SLCO1A2: variants seen among roughly 807,000 people sequenced by gnomAD.
SLCO1A2 encodes the protein solute carrier organic anion transporter family member 1A2, also known as OATP-1.
Under a neutral mutation model 69.0 loss-of-function variants are expected in SLCO1A2, and 67 were observed. The observed-to-expected ratio is 0.97, with a 90% CI of 0.80 to 1.19. SLCO1A2 has a LOEUF of 1.19. Ranked by LOEUF, SLCO1A2 falls within the 50% of genes most tolerant of loss-of-function variation. SLCO1A2 has a pLI of 0.00. For missense variants in SLCO1A2, 787 were observed against 793.7 expected, an observed-to-expected ratio of 0.99 and a Z score of 0.10; for synonymous variants, 260 against 265.9, an observed-to-expected ratio of 0.98 and a Z score of 0.22.
At chr12:21,400,833 C>G (rs1323297763) in intron 1 of SLCO1A2, among the ~76,000 whole-genome samples, 1 of 131,780 alleles carries the variant, frequency 7.6e-6, no homozygotes, top group East Asian at 2.5e-4. Context: ...ACAATGAGAT[C>G]ACATGGACAC....
At chr12:21,322,215 A>G (rs1011427241) in intron 2 of SLCO1A2, among the ~76,000 whole-genome samples, 1 of 152,224 alleles carries the variant, frequency 6.6e-6, no homozygotes, top group Non-Finnish European at 1.5e-5. Flanking sequence ...TGGAAAGTCC[A>G]AGAGCAAGGC....
intron 2 of SLCO1A2, chr12:21,319,251 G>A: frequency 1.0e-6 from 1 of 996,940 alleles, no homozygotes; most frequent in South Asian, 1.3e-5. Context: ...GATATCTAAA[G>A]TACAAAAGAA....
chr12:21,337,864 G>T (rs1029264699), upstream of SLCO1A2, among the ~76,000 whole-genome samples: 2 of 151,834 alleles, frequency 1.3e-5, no homozygotes, highest in African/African-American at 4.8e-5. Flanking sequence ...AGAATGTATT[G>T]CTTGGAAAAA....
At chr12:21,353,030 G>A (rs567464019) in intron 2 of SLCO1A2, among the ~76,000 whole-genome samples, 40 of 152,260 alleles carry the variant, frequency 2.6e-4, no homozygotes, top group African/African-American at 9.4e-4. Flanking sequence ...CAAAATAACA[G>A]AATATTCCCC....
intron 2 of SLCO1A2, among the ~76,000 whole-genome samples, chr12:21,362,984 A>C (rs1278570083): frequency 6.6e-6 from 1 of 152,198 alleles, no homozygotes; most frequent in African/African-American, 2.4e-5. Flanking sequence ...TAGACAGATC[A>C]ACAAGACAGA....
intron 1 of SLCO1A2, among the ~76,000 whole-genome samples, chr12:21,385,887 T>G (rs1240223366): frequency 6.6e-6 from 1 of 152,106 alleles, no homozygotes. Context: ...GAAACCATAT[T>G]TTTCCAGAAC....
rs140189858 is a variant in SLCO1A2, at chr12:21,311,999, G to A, written c.335+2550C>T. On this transcript the variant is annotated intron_variant, in intron 4 of 14. Transcript: ENST00000683939. Reference sequence around the variant, plus strand: ...GGAGGAGGAGGAGGAAGAGGAGGAGGAGGAGAAGAAGAGGAGGAGGGAGGA... The same window carrying A: ...GGAGGAGGAGGAGGAAGAGGAGGAGAAGGAGAAGAAGAGGAGGAGGGAGGA... 2.6e-3 allele frequency among the ~76,000 whole-genome samples: 391 copies of A among 151,320 alleles called. 2 individuals are homozygous for A. The highest frequency in any genetic ancestry group is 9.1e-3 in the African/African-American group (373 of 41,208).
chr12:21,419,061 A>C (rs530215405), upstream of SLCO1A2: 4 of 152,156 alleles, frequency 2.6e-5, no homozygotes, highest in Non-Finnish European at 4.4e-5. Context: ...GATATTACAT[A>C]TAAAATTAAA....
At position 21,297,444 on chromosome 12, in the gene SLCO1A2, C is replaced by A; in HGVS notation, c.1035G>T (p.Gln345His). The A allele has an allele frequency of 1.9e-6, 3 of 1,612,398 alleles. No individual in the cohort carries two copies. In the South Asian group the frequency reaches 3.3e-5, roughly 18 times the overall value. The change falls in exon 9 of 15, where the codon CAG (glutamine) becomes CAT (histidine). Residue 345 changes from glutamine (Q) to histidine (H), a missense_variant. Coordinates refer to ENST00000683939, the MANE Select transcript of SLCO1A2 (RefSeq NM_001386879.1). ...CATCTGAAGATGATATTCCATATTGCTGTTCTAGGTATTTAGGCATGAAGG... is the reference window on the plus strand; with the variant it reads ...CATCTGAAGATGATATTCCATATTGATGTTCTAGGTATTTAGGCATGAAGG... ...MISFMPKYLE[Q>H]QYGISSSDAI...
chr12:21,278,053 C>T (rs1263861000), intron 12 of SLCO1A2, among the ~76,000 whole-genome samples: 1 of 151,640 alleles, frequency 6.6e-6, no homozygotes, highest in Non-Finnish European at 1.5e-5. Flanking sequence ...AGCATTCACA[C>T]AGGCTGGCTA....
intron 2 of SLCO1A2, among the ~76,000 whole-genome samples, chr12:21,323,812 G>A (rs1245544124): frequency 2.0e-5 from 3 of 152,122 alleles, no homozygotes; most frequent in Non-Finnish European, 2.9e-5. Flanking sequence ...TTTAGGCATC[G>A]TGTACCCATC....
At position 21,411,418 on chromosome 12, in the gene SLCO1A2, C is replaced by T. The variant is rs61927818; in HGVS notation, c.-312+6464G>A. Among the ~76,000 whole-genome samples the T allele has an allele frequency of 5.0e-3, 762 of 152,252 alleles. 7 individuals carry two copies. Among genetic ancestry groups the T allele is most frequent in the Middle Eastern group, 0.01 (3 of 294 alleles). ...CGACTGTGATCATATACCAAAATCCCAAACATATTTCGACCTGTTTCTGGG... is the reference window on the plus strand; with the variant it reads ...CGACTGTGATCATATACCAAAATCCTAAACATATTTCGACCTGTTTCTGGG... On this transcript the variant is annotated intron_variant, in intron 1 of 4. Transcript: ENST00000413682.
intron 2 of SLCO1A2, among the ~76,000 whole-genome samples, chr12:21,341,665 G>A (rs998560957): frequency 4.6e-5 from 7 of 152,154 alleles, no homozygotes; most frequent in African/African-American, 1.4e-4. Flanking sequence ...CGAAATATTA[G>A]TTAGAGCTAG....
At chr12:21,407,673 T>A (rs1941842432) in intron 1 of SLCO1A2, among the ~76,000 whole-genome samples, 1 of 151,874 alleles carries the variant, frequency 6.6e-6, no homozygotes, top group African/African-American at 2.4e-5. Flanking sequence ...TGGTAGTGAG[T>A]GCCTGTAGTC....
intron 1 of SLCO1A2, chr12:21,374,595 G>C (rs573540715): frequency 1.3e-5 from 2 of 152,054 alleles, no homozygotes; most frequent in African/African-American, 4.8e-5. Flanking sequence ...TTAGTTTACA[G>C]GGTGTTCTTC....
chr12:21,352,280 T>C (rs1010664204), intron 2 of SLCO1A2, among the ~76,000 whole-genome samples: 7 of 152,208 alleles, frequency 4.6e-5, no homozygotes, highest in African/African-American at 1.7e-4. Flanking sequence ...CGGCAGCAGT[T>C]AGACAAAATT....
chr12:21,269,729 G>T lies in SLCO1A2; in HGVS notation c.1832C>A (p.Ser611Ter). ...YLGLPAALRG[S>*]SFVPALIILI... ...GATGATTAAGGCTGGAACAAAGCTTGATCCTCTTAGTGCTGCCGGCAATCC... is the reference window on the plus strand; with the variant it reads ...GATGATTAAGGCTGGAACAAAGCTTTATCCTCTTAGTGCTGCCGGCAATCC... Residue 611 changes from serine to a stop codon, truncating the protein, a stop_gained, in exon 15 of 15, where the codon TCA becomes TAA. Transcript: ENST00000683939. LOFTEE classifies it low-confidence loss of function (END_TRUNC). 6.2e-7 allele frequency: 1 copy of T among 1,612,274 alleles called. No homozygotes were observed. The highest frequency in any genetic ancestry group is 8.5e-7 in the Non-Finnish European group (1 of 1,178,786).
intron 1 of SLCO1A2, among the ~76,000 whole-genome samples, chr12:21,374,819 G>GTC (rs71043266): frequency 0.023 from 3,349 of 148,326 alleles, 111 homozygotes; most frequent in African/African-American, 0.074. Flanking sequence ...TTGAGACAGG[G>GTC]TCTCTCTCTC....
chr12:21,320,729 C>T (rs954307981), intron 2 of SLCO1A2, among the ~76,000 whole-genome samples: 64 of 152,200 alleles, frequency 4.2e-4, no homozygotes, highest in African/African-American at 1.4e-3. Flanking sequence ...GAACTCCTGA[C>T]CTCAGGTGAT....
Sources: allele counts gnomAD v4.1 joint callset (sites outside exome capture counted in the v4.1 genomes callset), GRCh38; gene constraint gnomAD v4.1.1; transcripts MANE v1.5; gene names NCBI Gene and HGNC (gene_info 2026-07-23, HGNC 2026-07-21).